Variants in MAPK4 observed in about 807,000 individuals in gnomAD.
The protein encoded by MAPK4 is mitogen-activated protein kinase 4.
Under a neutral mutation model 47.7 loss-of-function variants are expected in MAPK4, and 22 were observed. The ratio of observed to expected loss-of-function variants is 0.46; its 90% CI spans 0.33 to 0.66. The LOEUF is 0.66. Ranked by LOEUF, MAPK4 falls within the 30% of genes least tolerant of loss-of-function variation. MAPK4 has a pLI of 0.02. For synonymous variants in MAPK4, 390 were observed against 365.7 expected (o/e 1.07, Z -0.76); for missense variants, 736 against 831.7 (o/e 0.88, Z 1.42).
At chr18:50,701,631 T>C (rs1909790094) in intron 2 of MAPK4, among the ~76,000 whole-genome samples, 1 of 152,166 alleles carries the variant, frequency 6.6e-6, no homozygotes, top group Non-Finnish European at 1.5e-5. Context: ...GAGGTCCTCA[T>C]GCAAACACGG....
intron 1 of MAPK4, among the ~76,000 whole-genome samples, chr18:50,611,939 T>C (rs1194480183): frequency 1.3e-5 from 2 of 152,152 alleles, no homozygotes; most frequent in African/African-American, 4.8e-5. Context: ...TCTTTAAAGA[T>C]CGAAGTATGA....
chr18:50,678,479 C>T lies in MAPK4; in HGVS notation c.546+13975C>T, dbSNP rs1245212705. On this transcript the variant is annotated intron_variant, in intron 2 of 5. Transcript: ENST00000400384. The surrounding 1 kb of genome is among the most constrained non-coding windows in gnomAD (Gnocchi z 4.2). ...CAGAGTAGATACTGTCTGGGAGCCG[C>T]CATCACCCCTCCACCCTGTACAGAC... 2.0e-5 allele frequency among the ~76,000 whole-genome samples: 3 copies of T among 152,184 alleles called. No individual in the cohort carries two copies. The highest frequency in any genetic ancestry group is 4.4e-5 in the Non-Finnish European group (3 of 68,030).
intron 2 of MAPK4, among the ~76,000 whole-genome samples, chr18:50,707,898 G>T (rs1362066427): frequency 2.6e-5 from 4 of 152,222 alleles, no homozygotes; most frequent in African/African-American, 9.6e-5. Flanking sequence ...AGAGGGTGGA[G>T]TGGAGAAGGG....
chr18:50,679,751 T>C (rs563298390), intron 2 of MAPK4, among the ~76,000 whole-genome samples: 77 of 152,212 alleles, frequency 5.1e-4, no homozygotes, highest in Non-Finnish European at 9.6e-4. Context: ...GGGCTTCCGC[T>C]TTGCCCAGGT....
chr18:50,633,936 TG>T (rs2042855501), intron 1 of MAPK4, among the ~76,000 whole-genome samples: 1 of 152,168 alleles, frequency 6.6e-6, no homozygotes, highest in Non-Finnish European at 1.5e-5. Flanking sequence ...TGTAACTAGG[TG>T]GGGGCCTTAG....
At chr18:50,705,987 T>A (rs1278661726) in intron 2 of MAPK4, 1 of 152,204 alleles carries the variant, frequency 6.6e-6, no homozygotes, top group Non-Finnish European at 1.5e-5. Flanking sequence ...GCTCTGCCAA[T>A]TATTAGTTAA....
intron 2 of MAPK4, among the ~76,000 whole-genome samples, chr18:50,675,171 C>T (rs918655437): frequency 6.6e-6 from 1 of 152,166 alleles, no homozygotes; most frequent in Admixed American, 6.5e-5. Flanking sequence ...TCAATGGCAG[C>T]GTTGGACTGC....
At position 50,678,878 on chromosome 18, in the gene MAPK4, C is replaced by A. The variant is rs1485932366; in HGVS notation, c.546+14374C>A. 6.6e-6 allele frequency among the ~76,000 whole-genome samples: 1 copy of A among 152,126 alleles called. No individual in the cohort carries two copies. Among genetic ancestry groups the A allele is most frequent in the African/African-American group, 2.4e-5 (1 of 41,426 alleles). ...CCCCACCTTTGGCTTTCAGATGACA[C>A]GGCCAGCAGGTTTTCTGGGGTATGG... On this transcript the variant is annotated intron_variant, in intron 2 of 5. Coordinates refer to ENST00000400384, the MANE Select transcript of MAPK4 (RefSeq NM_002747.4). The surrounding 1 kb of genome is among the most constrained non-coding windows in gnomAD (Gnocchi z 4.2).
At chr18:50,580,414 G>A (rs144771693) in intron 1 of MAPK4, among the ~76,000 whole-genome samples, 5 of 152,232 alleles carry the variant, frequency 3.3e-5, no homozygotes, top group Non-Finnish European at 5.9e-5. Context: ...TGTGACCAAG[G>A]GCAAAGTTTG....
chr18:50,583,330 G>A (rs1188224358), intron 1 of MAPK4, among the ~76,000 whole-genome samples: 10 of 152,222 alleles, frequency 6.6e-5, no homozygotes, highest in African/African-American at 1.9e-4. Flanking sequence ...GCTCACGCCT[G>A]TAATCCTAGC....
At chr18:50,628,225 C>G (rs147017961) in intron 1 of MAPK4, among the ~76,000 whole-genome samples, 1 of 152,152 alleles carries the variant, frequency 6.6e-6, no homozygotes, top group African/African-American at 2.4e-5. Flanking sequence ...TTGAAGCAAC[C>G]GCCAAAATGT....
intron 1 of MAPK4, among the ~76,000 whole-genome samples, chr18:50,603,254 C>T (rs2042555353): frequency 6.6e-6 from 1 of 152,176 alleles, no homozygotes; most frequent in African/African-American, 2.4e-5. Flanking sequence ...TCAGCCACCC[C>T]AGAGCTCAGC....
chr18:50,719,772 C>T (rs1351322878), intron 3 of MAPK4, among the ~76,000 whole-genome samples: 2 of 152,224 alleles, frequency 1.3e-5, no homozygotes, highest in Non-Finnish European at 2.9e-5. Context: ...CCAGACGAGA[C>T]TGTATAATCC....
intron 2 of MAPK4, among the ~76,000 whole-genome samples, chr18:50,694,534 T>C (rs1198504364): frequency 6.6e-6 from 1 of 152,206 alleles, no homozygotes; most frequent in African/African-American, 2.4e-5. Flanking sequence ...CATGGCTGTA[T>C]CTCCCCAGCT....
intron 2 of MAPK4, among the ~76,000 whole-genome samples, chr18:50,706,661 C>CT (rs1433805875): frequency 6.6e-6 from 1 of 152,180 alleles, no homozygotes; most frequent in African/African-American, 2.4e-5. Flanking sequence ...CCTAGCAGGG[C>CT]TTCTCACTTA....
chr18:50,692,646 TA>T lies in MAPK4; in HGVS notation c.547-22432del, dbSNP rs1179951337. Among the ~76,000 whole-genome samples the T allele has an allele frequency of 5.3e-5, 8 of 152,244 alleles. No homozygotes were observed. The East Asian group carries it at 1.5e-3, about 29-fold the overall frequency. On this transcript the variant is annotated intron_variant, in intron 2 of 5. Transcript: ENST00000400384. The stretch of plus-strand genomic sequence containing the variant: ...GGGCAGGGAGAGGGCCCTCAATAAA[TA>T]TGAGCTGTTTGCAGCTCTTATTACT...
intron 1 of MAPK4, among the ~76,000 whole-genome samples, chr18:50,567,829 A>ATT (rs1433668082): frequency 0.019 from 2,809 of 150,358 alleles, 85 homozygotes; most frequent in African/African-American, 0.064. Flanking sequence ...GTTTTTTTAA[A>ATT]AAAAAAAAAT....
intron 1 of MAPK4, among the ~76,000 whole-genome samples, chr18:50,581,712 T>C (rs1330854234): frequency 6.6e-6 from 1 of 152,198 alleles, no homozygotes; most frequent in East Asian, 1.9e-4. Flanking sequence ...GCTTGGGAGC[T>C]GCTCTGGGGA....
intron 1 of MAPK4, among the ~76,000 whole-genome samples, chr18:50,621,819 C>T (rs1008347116): frequency 2.6e-5 from 4 of 152,232 alleles, no homozygotes; most frequent in Admixed American, 2.0e-4. Context: ...CTCCCATATC[C>T]AAGTACCTGC....
Sources: gnomAD v4.1 joint callset for allele counts (sites outside exome capture counted in the v4.1 genomes callset) on GRCh38, gnomAD v4.1.1 for gene constraint, Gnocchi (gnomAD v3.1) non-coding constraint, MANE v1.5 for transcripts, NCBI Gene and HGNC (gene_info 2026-07-23, HGNC 2026-07-21) for gene names.